The following CHD7 variants were observed in gnomAD, a reference collection of about 807,000 sequenced individuals.
The protein encoded by CHD7 is chromodomain helicase DNA binding protein 7, also known as ATP-dependent chromatin remodeler CHD7.
A neutral mutation model predicts 307.3 loss-of-function variants in CHD7; 24 were observed. The observed-to-expected ratio is 0.08, with a 90% CI of 0.06 to 0.11. The LOEUF is 0.11. Ranked by LOEUF, CHD7 falls within the 10% of genes least tolerant of loss-of-function variation. The pLI is 1.00. For synonymous variants in CHD7, 1,363 were observed against 1,349.9 expected, an observed-to-expected ratio of 1.01 and a Z score of -0.21; for missense variants, 3,106 against 3,727.1, an observed-to-expected ratio of 0.83 and a Z score of 4.34.
At chr8:60,859,549 G>A (rs185700972) in intron 34 of CHD7, among the ~76,000 whole-genome samples, 11 of 152,346 alleles carry the variant, frequency 7.2e-5, no homozygotes, top group Admixed American at 2.0e-4. Context: ...TACTTTGTGA[G>A]CCCAAAGGAA....
chr8:60,822,851 T>C (rs1804108688), intron 12 of CHD7, 105 bp downstream of exon 12: 4 of 998,882 alleles, frequency 4.0e-6, no homozygotes, highest in South Asian at 2.7e-5. Context: ...TTTTGCCAAA[T>C]TGAGAAATTT....
At chr8:60,731,071 C>T (rs181419705) in intron 1 of CHD7, among the ~76,000 whole-genome samples, 2 of 152,294 alleles carry the variant, frequency 1.3e-5, no homozygotes, top group African/African-American at 4.8e-5. Flanking sequence ...ATCAGGTCAA[C>T]TGTGGCAGTG....
intron 7 of CHD7, among the ~76,000 whole-genome samples, chr8:60,810,904 C>T (rs1443318784): frequency 6.6e-6 from 1 of 152,216 alleles, no homozygotes; most frequent in East Asian, 1.9e-4. Flanking sequence ...GGCGACTGAG[C>T]ATTACCACCT....
intron 1 of CHD7, among the ~76,000 whole-genome samples, chr8:60,709,613 C>T (rs1807186966): frequency 6.6e-6 from 1 of 152,076 alleles, no homozygotes; most frequent in South Asian, 2.1e-4. Context: ...ATCCTATGTA[C>T]ATTTAAGTTT....
chr8:60,759,478 T>TCCTTCTCTCCCTCTCCCTCTCC (rs1810062447), intron 2 of CHD7, among the ~76,000 whole-genome samples: 6 of 145,698 alleles, frequency 4.1e-5, no homozygotes, highest in Non-Finnish European at 7.5e-5. Context: ...TCTCCCTCTC[T>TCCTTCTCTCCCTCTCCCTCTCC]CCCTCTCTCC....
In CHD7 at chr8:60,729,568, A is replaced by G. The variant is rs150796072; in HGVS notation, c.-174-11691A>G. On this transcript the variant is annotated intron_variant, in intron 1 of 37. Coordinates refer to ENST00000423902, the MANE Select transcript of CHD7 (RefSeq NM_017780.4). Reference sequence around the variant, plus strand: ...CAGCTGATTTATAGTAGTTAAACTCATTAAGACCATATAGATGGGTGGGTG... The same window carrying G: ...CAGCTGATTTATAGTAGTTAAACTCGTTAAGACCATATAGATGGGTGGGTG... Among the ~76,000 whole-genome samples the G allele has an allele frequency of 9.8e-3, 1,498 of 152,326 alleles. 22 individuals are homozygous for G. The highest frequency in any genetic ancestry group is 0.034 in the African/African-American group (1,417 of 41,566).
chr8:60,828,829 A>G (rs756720971), intron 14 of CHD7, 23 bp downstream of exon 14: 34 of 1,603,050 alleles, frequency 2.1e-5, no homozygotes, highest in Middle Eastern at 1.7e-4. Flanking sequence ...TCCACTTTGT[A>G]TTTCAGTTAT....
chr8:60,848,944 A>T, intron 24 of CHD7, 107 bp from the exon 25 acceptor site: 1 of 907,088 alleles, frequency 1.1e-6, no homozygotes, highest in South Asian at 1.4e-5. Flanking sequence ...CCTCCCCACC[A>T]TGCTCAGATG....
In CHD7 at chr8:60,856,463, T is replaced by C. The variant is rs1285534131; in HGVS notation, c.7183T>C (p.Ser2395Pro). ...TCAATAGGAAGATGCCCTCAACCTC[T>C]CTGTCCCTCGCCAGCGGAGGAGGAG... ...QLSKEDALNLSVPRQRRRRRR... is the reference protein window; with the variant it reads ...QLSKEDALNLPVPRQRRRRRR... Residue 2395 changes from serine to proline, a missense_variant, in exon 34 of 38, where the codon TCT becomes CCT. Physicochemically the swap from Ser to Pro is moderately conservative, Grantham distance 74 (BLOSUM62 -1). Transcript: ENST00000423902. 1 of 1,612,486 alleles carries C rather than the reference T, an allele frequency of 6.2e-7. No homozygotes were observed. The highest frequency in any genetic ancestry group is 8.5e-7 in the Non-Finnish European group (1 of 1,179,216).
At chr8:60,748,403 G>C (rs1809440321) in intron 2 of CHD7, among the ~76,000 whole-genome samples, 1 of 152,192 alleles carries the variant, frequency 6.6e-6, no homozygotes, top group Non-Finnish European at 1.5e-5. Flanking sequence ...TGGACAGAAA[G>C]CTGCATGGTC....
At chr8:60,856,424 T>C (rs775200968) in intron 33 of CHD7, 21 bp from the exon 34 acceptor site, 2 of 1,593,274 alleles carry the variant, frequency 1.3e-6, no homozygotes, top group Non-Finnish European at 1.7e-6. Flanking sequence ...GCAACTCTGT[T>C]CTGTTGGAAT....
chr8:60,829,792 T>C (rs2150763478), intron 14 of CHD7, among the ~76,000 whole-genome samples: 1 of 152,328 alleles, frequency 6.6e-6, no homozygotes, highest in Admixed American at 6.5e-5. Flanking sequence ...TAAGGTCTGT[T>C]TTGTTTTTCT....
At chr8:60,848,737 A>C (rs571950515) in intron 24 of CHD7, 133 bp downstream of exon 24, 2 of 743,476 alleles carry the variant, frequency 2.7e-6, no homozygotes, top group Non-Finnish European at 4.8e-6. Context: ...TGAATGCAGT[A>C]TTTGTCCTTC....
At chr8:60,790,076 A>G (rs1245183861) in intron 3 of CHD7, among the ~76,000 whole-genome samples, 1 of 152,242 alleles carries the variant, frequency 6.6e-6, no homozygotes, top group Non-Finnish European at 1.5e-5. Flanking sequence ...GTAAGGCTGG[A>G]GGAGGAGCAG....
chr8:60,795,760 G>A (rs9298042), intron 4 of CHD7, among the ~76,000 whole-genome samples: 118,145 of 152,160 alleles, frequency 0.78, 46,111 homozygotes, highest in East Asian at 0.94. Context: ...AAAGCATACT[G>A]CCTTCACTGA....
intron 1 of CHD7, among the ~76,000 whole-genome samples, chr8:60,710,319 A>G (rs1343954023): frequency 6.6e-6 from 1 of 151,492 alleles, no homozygotes; most frequent in Non-Finnish European, 1.5e-5. Context: ...CTCATCCTGG[A>G]AGCACTAGCC....
intron 23 of CHD7, 94 bp downstream of exon 23, chr8:60,845,503 A>G: frequency 7.2e-7 from 1 of 1,381,844 alleles, no homozygotes; most frequent in East Asian, 2.5e-5. Flanking sequence ...CAGATGCAGA[A>G]CTCGCAGATT....
intron 4 of CHD7, 134 bp from the exon 5 acceptor site, chr8:60,800,254 G>C: frequency 7.2e-6 from 5 of 691,040 alleles, no homozygotes; most frequent in South Asian, 2.3e-5. Context: ...GGATGGTCTC[G>C]ATCTCCTGAC....
chr8:60,821,952 A>T, intron 10 of CHD7, 25 bp downstream of exon 10: 1 of 1,613,332 alleles, frequency 6.2e-7, no homozygotes, highest in Non-Finnish European at 8.5e-7. Flanking sequence ...ATGGTAGAGA[A>T]TTTAATTTGA....
Sources: allele counts gnomAD v4.1 joint callset (sites outside exome capture counted in the v4.1 genomes callset), GRCh38; gene constraint gnomAD v4.1.1; transcripts MANE v1.5; gene names NCBI Gene and HGNC (gene_info 2026-07-23, HGNC 2026-07-21).